Variants in MCF2L observed in about 807,000 individuals in gnomAD.
MCF2L encodes the protein guanine nucleotide exchange factor DBS.
MCF2L carries 97 observed loss-of-function variants against 153.4 expected under a neutral mutation model. The observed-to-expected ratio is 0.63, with a 90% CI of 0.54 to 0.75. The LOEUF (loss-of-function observed/expected upper bound fraction) is 0.75, where lower values mean the gene tolerates loss of function less well. Among genes scored for constraint, MCF2L ranks in the 30% least tolerant of loss-of-function variants. The pLI, the probability that MCF2L is intolerant of heterozygous loss-of-function variation, is 0.00. For synonymous variants in MCF2L, 659 were observed against 632.2 expected (o/e 1.04, Z -0.64); for missense variants, 1,347 against 1,495.2 (o/e 0.90, Z 1.64).
At chr13:112,919,205 AT>A (rs11431408) in intron 2 of MCF2L, among the ~76,000 whole-genome samples, 73 of 125,636 alleles carry the variant, frequency 5.8e-4, no homozygotes, top group Middle Eastern at 4.2e-3. Context: ...AAGAATTTGC[AT>A]TTTTTTTTTT....
At chr13:113,042,179 C>G (rs1435068064) in intron 3 of MCF2L, 1 of 152,156 alleles carries the variant, frequency 6.6e-6, no homozygotes, top group Non-Finnish European at 1.5e-5. Flanking sequence ...GCACCCCATT[C>G]CCACGCGTGC....
At chr13:113,082,119 T>A (rs539553625) in intron 16 of MCF2L, among the ~76,000 whole-genome samples, 2 of 152,212 alleles carry the variant, frequency 1.3e-5, no homozygotes, top group East Asian at 3.9e-4. Flanking sequence ...TGTAGTCGAG[T>A]GTCTGATTTA....
At chr13:112,896,270 CG>C (rs1469240265) in intron 1 of MCF2L, among the ~76,000 whole-genome samples, 5 of 151,878 alleles carry the variant, frequency 3.3e-5, no homozygotes, top group African/African-American at 1.2e-4. Context: ...GTCTCTTCAC[CG>C]CCCCCCCGAG....
At chr13:112,937,943 G>C (rs2081534167) in intron 2 of MCF2L, among the ~76,000 whole-genome samples, 1 of 152,162 alleles carries the variant, frequency 6.6e-6, no homozygotes, top group African/African-American at 2.4e-5. Context: ...ATCTCTGAGT[G>C]GTTGGTTTAT....
rs117364933 is a variant in MCF2L, at chr13:112,909,369, G to C, written c.169+6998G>C. 1,000 of 772,416 alleles carry C rather than the reference G, an allele frequency of 1.3e-3. 13 individuals are homozygous for C. The East Asian group carries it at 0.022, about 17-fold the overall frequency. 47.8% of individuals were successfully genotyped at this position (772,416 alleles called of 1,614,324 possible). ...CAGACCCGGCCTCCCCGCCCAGCAT[G>C]GGTTGAAGCCAGGCTAAGGCGTTGA... On this transcript the variant is annotated intron_variant, in intron 2 of 29. Coordinates refer to the MCF2L transcript ENST00000375608.
At chr13:113,032,803 C>T (rs546245827) in intron 3 of MCF2L, among the ~76,000 whole-genome samples, 70 of 152,176 alleles carry the variant, frequency 4.6e-4, no homozygotes, top group Non-Finnish European at 8.4e-4. Flanking sequence ...TTCTTGGGTT[C>T]GAGTGATCCA....
chr13:113,095,463 G>A (rs746795759), intron 27 of MCF2L: 1 of 1,075,348 alleles, frequency 9.3e-7, no homozygotes, highest in Non-Finnish European at 1.1e-6. Flanking sequence ...GTGGAACAGG[G>A]TGCACGGGGC....
chr13:112,899,528 ACTCT>A, intron 1 of MCF2L, among the ~76,000 whole-genome samples: 1 of 151,844 alleles, frequency 6.6e-6, no homozygotes, highest in South Asian at 2.1e-4. Context: ...CAGTTTCCAG[ACTCT>A]CTCTACCCAC....
At chr13:113,082,153 G>A (rs2034204536) in intron 16 of MCF2L, among the ~76,000 whole-genome samples, 1 of 152,228 alleles carries the variant, frequency 6.6e-6, no homozygotes, top group Non-Finnish European at 1.5e-5. Context: ...GGTCACCCGA[G>A]TGTAGACATA....
chr13:113,081,166 C>T, intron 15 of MCF2L, 47 bp from the exon 16 acceptor site: 1 of 1,481,276 alleles, frequency 6.8e-7, no homozygotes, highest in Admixed American at 2.0e-5. Flanking sequence ...ACCATTCCTG[C>T]TCTCCCAGTG....
rs369752827 is a variant in MCF2L, at chr13:112,981,129, C to G, written c.79+11671C>G. Among the ~76,000 whole-genome samples, 5 of 151,992 alleles carry G rather than the reference C, an allele frequency of 3.3e-5. No homozygotes were observed. The East Asian group carries it at 7.8e-4, about 24-fold the overall frequency. On this transcript the variant is annotated intron_variant, in intron 1 of 29. Transcript: ENST00000535094. ...TGTGCACTGGGGACCCCAAGACGTCCCTTCCTGTGCACTGGAGACCCTGAC... is the reference window on the plus strand; with the variant it reads ...TGTGCACTGGGGACCCCAAGACGTCGCTTCCTGTGCACTGGAGACCCTGAC...
intron 8 of MCF2L, 102 bp from the exon 9 acceptor site, chr13:113,069,957 C>T (rs542962846): frequency 3.9e-5 from 28 of 716,080 alleles, no homozygotes; most frequent in Middle Eastern, 2.6e-4. Flanking sequence ...CAGGAAGGCC[C>T]GGGGTGGAGA....
At chr13:112,940,737 A>C (rs2081567570) in intron 2 of MCF2L, among the ~76,000 whole-genome samples, 1 of 152,262 alleles carries the variant, frequency 6.6e-6, no homozygotes, top group African/African-American at 2.4e-5. Flanking sequence ...TATAGCTACA[A>C]AAATGGCATA....
rs1453851526 is a variant in MCF2L, at chr13:113,086,373, T to A, written c.2373+124T>A. On this transcript the variant is annotated intron_variant, in intron 21 of 29. Coordinates refer to ENST00000535094, the MANE Select transcript of MCF2L (RefSeq NM_001112732.3). ...GAATGTGCAGGTTCTGGGCAGGAGG[T>A]CTGGGGTGGTCCCTAGATAAGCCCA... 5 of 1,402,156 alleles carry A rather than the reference T, an allele frequency of 3.6e-6. No individual in the cohort carries two copies. The African/African-American group carries it at 7.4e-5, about 21-fold the overall frequency. The allele number at this position is 1,402,156 out of a possible 1,614,324, so 86.9% of individuals were successfully genotyped here.
intron 26 of MCF2L, 138 bp from the exon 27 acceptor site, chr13:113,094,376 C>T (rs7327099): frequency 0.79 from 668,380 of 842,328 alleles, 268,393 homozygotes; most frequent in East Asian, 1. Context: ...TTTATGAACC[C>T]GGGAAGATGA....
At chr13:112,908,610 GATT>G (rs1365609452) in intron 2 of MCF2L, among the ~76,000 whole-genome samples, 1 of 152,220 alleles carries the variant, frequency 6.6e-6, no homozygotes. Context: ...TGTGCTCTAT[GATT>G]AAAGTCGGAT....
chr13:113,053,126 G>T lies in MCF2L; in HGVS notation c.370-7467G>T, dbSNP rs1447733917. Among the ~76,000 whole-genome samples, 1 of 152,158 alleles carries T rather than the reference G, an allele frequency of 6.6e-6. No homozygotes were observed. Among genetic ancestry groups the T allele is most frequent in the African/African-American group, 2.4e-5 (1 of 41,418 alleles). ...GACATGGTGTCTCCTGAGTGGAGCT[G>T]CCCTCTGCATAACCACAGGCGAGTC... On this transcript the variant is annotated intron_variant, in intron 4 of 29. Transcript: ENST00000535094. The surrounding 1 kb of genome is among the most constrained non-coding windows in gnomAD (Gnocchi z 4.4).
intron 8 of MCF2L, among the ~76,000 whole-genome samples, chr13:113,066,566 C>T (rs1307177502): frequency 6.6e-6 from 1 of 152,226 alleles, no homozygotes; most frequent in Non-Finnish European, 1.5e-5. Flanking sequence ...GTGTTTCTTA[C>T]TTTCATTGTG....
At chr13:112,942,425 G>A (rs1198976590) in intron 2 of MCF2L, among the ~76,000 whole-genome samples, 1 of 152,014 alleles carries the variant, frequency 6.6e-6, no homozygotes, top group Non-Finnish European at 1.5e-5. Flanking sequence ...CCTTTGTCTT[G>A]TATCCAATAA....
Sources: allele counts gnomAD v4.1 joint callset (sites outside exome capture counted in the v4.1 genomes callset), GRCh38; gene constraint gnomAD v4.1.1; non-coding constraint Gnocchi (gnomAD v3.1); transcripts MANE v1.5; gene names NCBI Gene and HGNC (gene_info 2026-07-23, HGNC 2026-07-21).